Variants in GRAP2 observed in about 807,000 individuals in gnomAD.
GRAP2 encodes GRB2-related adapter protein 2.
Under a neutral mutation model 43.5 loss-of-function variants are expected in GRAP2, and 31 were observed. The observed-to-expected ratio is 0.71, with a 90% CI of 0.54 to 0.96. The LOEUF is 0.96. Among genes scored for constraint, GRAP2 ranks in the 40% least tolerant of loss-of-function variants. The pLI is 0.00. For missense variants in GRAP2, 371 were observed against 424.4 expected, an observed-to-expected ratio of 0.87 and a Z score of 1.11; for synonymous variants, 156 against 164.8, an observed-to-expected ratio of 0.95 and a Z score of 0.41.
intron 1 of GRAP2, among the ~76,000 whole-genome samples, chr22:39,906,723 G>A (rs145442897): frequency 2.0e-5 from 3 of 152,150 alleles, no homozygotes; most frequent in East Asian, 1.9e-4. Context: ...CTAGAACCAC[G>A]GGCTTAATGT....
chr22:39,900,965 A>G (rs1379988181), upstream of GRAP2: 1 of 248,248 alleles, frequency 4.0e-6, no homozygotes, highest in Non-Finnish European at 8.0e-6. Flanking sequence ...AAAGTGTTTC[A>G]GTGAACCTCC....
chr22:39,946,268 A>T (rs183861611), intron 1 of GRAP2, among the ~76,000 whole-genome samples: 136 of 152,328 alleles, frequency 8.9e-4, no homozygotes, highest in African/African-American at 2.9e-3. Context: ...CTTGCCCAAG[A>T]GTCTACAGCT....
upstream of GRAP2, among the ~76,000 whole-genome samples, chr22:39,898,328 G>A (rs1332876789): frequency 1.3e-5 from 2 of 152,168 alleles, no homozygotes; most frequent in South Asian, 4.1e-4. Flanking sequence ...TTACCAGAAT[G>A]TAAGATCCAG....
At chr22:39,931,709 C>T (rs966798434) in intron 1 of GRAP2, among the ~76,000 whole-genome samples, 5 of 152,110 alleles carry the variant, frequency 3.3e-5, no homozygotes, top group African/African-American at 1.2e-4. Context: ...TGTAAAATGC[C>T]AGAGTAATCA....
intron 2 of GRAP2, among the ~76,000 whole-genome samples, chr22:39,949,327 G>T (rs2145640569): frequency 6.6e-6 from 1 of 152,246 alleles, no homozygotes; most frequent in African/African-American, 2.4e-5. Context: ...CTAGCTAAGT[G>T]GTTTGCAGGC....
chr22:39,935,323 G>A (rs748238302), intron 1 of GRAP2, among the ~76,000 whole-genome samples: 2 of 152,102 alleles, frequency 1.3e-5, no homozygotes, highest in African/African-American at 2.4e-5. Context: ...AGCCGTCCCC[G>A]ATGCCCATTG....
intron 2 of GRAP2, chr22:39,948,371 G>A (rs879573459): frequency 6.6e-6 from 1 of 152,094 alleles, no homozygotes; most frequent in Non-Finnish European, 1.5e-5. Flanking sequence ...TTGCCAAGCA[G>A]CGAGAAGTTC....
chr22:39,964,026 C>G (rs953825968), intron 4 of GRAP2: 1 of 189,218 alleles, frequency 5.3e-6, no homozygotes, highest in African/African-American at 2.4e-5. Flanking sequence ...AAAAAGAAAC[C>G]TCCACTTACT....
intron 2 of GRAP2, among the ~76,000 whole-genome samples, chr22:39,953,918 T>C (rs1159737103): frequency 6.6e-6 from 1 of 152,132 alleles, no homozygotes; most frequent in Non-Finnish European, 1.5e-5. Context: ...CAGCCAGAGC[T>C]CTTTCTGAAC....
At chr22:39,927,840 A>G (rs1569198810) in intron 1 of GRAP2, among the ~76,000 whole-genome samples, 1 of 152,076 alleles carries the variant, frequency 6.6e-6, no homozygotes. Flanking sequence ...TGTCTCCTTC[A>G]TCCTATAGTT....
intron 2 of GRAP2, among the ~76,000 whole-genome samples, chr22:39,953,235 A>T (rs2067008077): frequency 6.6e-6 from 1 of 152,090 alleles, no homozygotes; most frequent in Non-Finnish European, 1.5e-5. Flanking sequence ...CTGCTCCCTG[A>T]GCTTTTCTTC....
At chr22:39,899,222 T>A (rs1380631407), upstream of GRAP2, among the ~76,000 whole-genome samples, 1 of 152,232 alleles carries the variant, frequency 6.6e-6, no homozygotes, top group Non-Finnish European at 1.5e-5. Flanking sequence ...ATCTGTCCCA[T>A]GCTTGTAAGG....
intron 3 of GRAP2, among the ~76,000 whole-genome samples, 168 bp downstream of exon 3, chr22:39,956,078 G>A (rs2145655162): frequency 6.6e-6 from 1 of 152,274 alleles, no homozygotes; most frequent in South Asian, 2.1e-4. Context: ...CAGGGCAGGA[G>A]GGAGACTTTG....
chr22:39,970,921 G>C lies in GRAP2; in HGVS notation c.830G>C (p.Arg277Pro). The C allele has an allele frequency of 6.2e-7, 1 of 1,608,654 alleles. No homozygotes were observed. The highest frequency in any genetic ancestry group is 8.5e-7 in the Non-Finnish European group (1 of 1,177,816). ...CCCCAACAGCGAGTGCGGTGGGCCC[G>C]GGCGCTGTATGACTTTGAGGCCCTG... ...LQAAGRVRWA[R>P]ALYDFEALED... Residue 277 changes from arginine (R) to proline (P), a missense_variant, in exon 8 of 8, where the codon CGG becomes CCG. Transcript: ENST00000344138.
intron 4 of GRAP2, among the ~76,000 whole-genome samples, chr22:39,962,430 A>G (rs1163386233): frequency 1.3e-5 from 2 of 152,094 alleles, no homozygotes; most frequent in Non-Finnish European, 2.9e-5. Flanking sequence ...GTCTCAAGAG[A>G]AAAAAATTAT....
chr22:39,915,730 A>G (rs2066597826), intron 1 of GRAP2, among the ~76,000 whole-genome samples: 1 of 152,204 alleles, frequency 6.6e-6, no homozygotes, highest in South Asian at 2.1e-4. Flanking sequence ...TCAAAAAGCA[A>G]TTTGTAAACT....
At chr22:39,940,059 G>A (rs2066850683) in intron 1 of GRAP2, among the ~76,000 whole-genome samples, 1 of 152,154 alleles carries the variant, frequency 6.6e-6, no homozygotes, top group Non-Finnish European at 1.5e-5. Context: ...GCCACCCTCT[G>A]CACCTAGCCA....
intron 1 of GRAP2, among the ~76,000 whole-genome samples, chr22:39,927,348 C>T (rs2066714398): frequency 1.3e-5 from 2 of 152,172 alleles, no homozygotes; most frequent in African/African-American, 2.4e-5. Flanking sequence ...TGATGTGAAT[C>T]AGCCCTGGGA....
chr22:39,968,548 A>G (rs2067202809), intron 6 of GRAP2: 1 of 487,664 alleles, frequency 2.1e-6, no homozygotes, highest in Non-Finnish European at 3.6e-6. Context: ...CCAGTAAACA[A>G]TTGCTTCATT....
Sources: allele counts gnomAD v4.1 joint callset (sites outside exome capture counted in the v4.1 genomes callset), GRCh38; gene constraint gnomAD v4.1.1; transcripts MANE v1.5; gene names NCBI Gene and HGNC (gene_info 2026-07-23, HGNC 2026-07-21).